ETV1: variants seen among roughly 807,000 people sequenced by gnomAD.
ETV1 encodes ETS translocation variant 1.
In ETV1, 27 loss-of-function variants were observed where a neutral mutation model predicts 62.3. The ratio of observed to expected loss-of-function variants is 0.43; its 90% CI spans 0.32 to 0.60. The LOEUF (loss-of-function observed/expected upper bound fraction) is 0.60. ETV1 is among the 20% of genes least tolerant of loss of function. The pLI is 0.06. For missense variants in ETV1, 605 were observed against 605.8 expected, an observed-to-expected ratio of 1.00 and a Z score of 0.01; for synonymous variants, 222 against 199.6, an observed-to-expected ratio of 1.11 and a Z score of -0.94.
chr7:13,952,242 T>A (rs745900469), intron 6 of ETV1, among the ~76,000 whole-genome samples: 14 of 152,102 alleles, frequency 9.2e-5, no homozygotes, highest in Non-Finnish European at 1.9e-4. Context: ...CCATTCCTAA[T>A]CTGCAAGCTG....
chr7:13,957,096 T>G (rs1261232416), intron 6 of ETV1, among the ~76,000 whole-genome samples: 1 of 151,862 alleles, frequency 6.6e-6, no homozygotes, highest in Non-Finnish European at 1.5e-5. Context: ...TTTATTTTTA[T>G]TTTTTTTGAG....
At chr7:13,943,542 A>T (rs1787802623) in intron 6 of ETV1, among the ~76,000 whole-genome samples, 1 of 152,224 alleles carries the variant, frequency 6.6e-6, no homozygotes, top group Admixed American at 6.5e-5. Context: ...AAGGGTGCAT[A>T]TGTTCATGAA....
chr7:13,914,786 ATTTGC>A (rs1178135635), intron 9 of ETV1, among the ~76,000 whole-genome samples: 5 of 152,134 alleles, frequency 3.3e-5, no homozygotes, highest in South Asian at 4.1e-4. Flanking sequence ...TGATTTGCAT[ATTTGC>A]TGCCTCTATA....
rs893512316 is a variant in ETV1, at chr7:13,917,837, A to G, written c.803-6530T>C. ...AAATTAGCCGGGCGTGGTGGCGGGCACCAGTAGTCCCAGCTACTCGGGAGG... is the reference window on the plus strand; with the variant it reads ...AAATTAGCCGGGCGTGGTGGCGGGCGCCAGTAGTCCCAGCTACTCGGGAGG... On this transcript the variant is annotated intron_variant, in intron 9 of 13. Transcript: ENST00000430479. Among the ~76,000 whole-genome samples, 4 of 151,854 alleles carry G rather than the reference A, an allele frequency of 2.6e-5. No individual in the cohort carries two copies. In the East Asian group the frequency reaches 6.0e-4, roughly 23 times the overall value.
chr7:13,962,434 T>C (rs1197818493), intron 6 of ETV1, among the ~76,000 whole-genome samples: 9 of 152,178 alleles, frequency 5.9e-5, no homozygotes, highest in Non-Finnish European at 1.3e-4. Context: ...GTTTATATCA[T>C]ATGGCTTTAG....
intron 3 of ETV1, 53 bp downstream of exon 3, chr7:13,988,955 C>T: frequency 2.0e-6 from 3 of 1,530,726 alleles, no homozygotes; most frequent in Non-Finnish European, 2.7e-6. Flanking sequence ...TCCCTCTCCC[C>T]ACCCCCGACG....
At chr7:13,903,878 T>C (rs1405011555) in intron 12 of ETV1, among the ~76,000 whole-genome samples, 2 of 152,144 alleles carry the variant, frequency 1.3e-5, no homozygotes, top group African/African-American at 4.8e-5. Context: ...TTAAAGATTA[T>C]GCGTTTTCTA....
Position 13,895,928 on chromosome 7 carries a change from C to T in ETV1, c.1372G>A (p.Ala458Thr), listed in dbSNP as rs1233150264. 7.4e-6 allele frequency: 12 copies of T among 1,613,694 alleles called. No homozygotes were observed. Among genetic ancestry groups the T allele is most frequent in the Non-Finnish European group, 1.0e-5 (12 of 1,179,796 alleles). The stretch of plus-strand genomic sequence containing the variant: ...CAGCAGCCCCCTTCCGGCATGTAGG[C>T]CATGCTCTCATCAAAGTGAGAAAGA... ...VPLSHFDESM[A>T]YMPEGGCCNP... The change falls in exon 14 of 14, where the codon GCC (alanine) becomes ACC (threonine). Residue 458 changes from alanine (A) to threonine (T), a missense_variant. Physicochemically the swap from Ala to Thr is moderately conservative, Grantham distance 58 (BLOSUM62 0). Around this residue, in one of 3 missense-constraint regions of ETV1, gnomAD observed 79 missense variants for 71.6 expected, o/e 1.10. Transcript: ENST00000430479.
In ETV1 at chr7:13,954,593, T is replaced by C. The variant is rs1789203679; in HGVS notation, c.236-15347A>G. On this transcript the variant is annotated intron_variant, in intron 6 of 13. Coordinates refer to ENST00000430479, the MANE Select transcript of ETV1 (RefSeq NM_004956.5). Reference sequence around the variant, plus strand: ...AAAAATTTTATTCTCTTTTGAGTTATTGAATCCTCACTTTTGATACATCAT... The same window carrying C: ...AAAAATTTTATTCTCTTTTGAGTTACTGAATCCTCACTTTTGATACATCAT... Among the ~76,000 whole-genome samples the C allele has an allele frequency of 2.0e-5, 3 of 152,236 alleles. No individual in the cohort carries two copies. The South Asian group carries it at 6.2e-4, about 32-fold the overall frequency.
intron 6 of ETV1, among the ~76,000 whole-genome samples, chr7:13,948,120 A>C (rs535101349): frequency 6.6e-6 from 1 of 152,330 alleles, no homozygotes; most frequent in South Asian, 2.1e-4. Context: ...TTAAAAATTC[A>C]CACCACTCAT....
chr7:13,926,029 C>T (rs1785390322), intron 9 of ETV1, among the ~76,000 whole-genome samples: 1 of 152,070 alleles, frequency 6.6e-6, no homozygotes, highest in Admixed American at 6.6e-5. Flanking sequence ...TGAGTTATGC[C>T]TTGCATACTT....
intron 13 of ETV1, among the ~76,000 whole-genome samples, chr7:13,899,676 CA>C: frequency 6.6e-6 from 1 of 152,302 alleles, no homozygotes; most frequent in Admixed American, 6.5e-5. Context: ...ACTTGGTTCA[CA>C]GTCAAAGCAA....
At chr7:13,916,039 G>T (rs970908516) in intron 9 of ETV1, among the ~76,000 whole-genome samples, 4 of 151,976 alleles carry the variant, frequency 2.6e-5, no homozygotes, top group Non-Finnish European at 4.4e-5. Context: ...CTTAGTTACT[G>T]AACTTCACAT....
Position 13,891,510 on chromosome 7 carries a change from T to A in ETV1, c.*4356A>T, listed in dbSNP as rs1350220500. 3 of 231,728 alleles carry A rather than the reference T, an allele frequency of 1.3e-5. No individual in the cohort carries two copies. Among genetic ancestry groups the A allele is most frequent in the Non-Finnish European group, 2.6e-5 (3 of 117,276 alleles). The allele number at this position is 231,728 out of a possible 1,614,324, so 14.4% of individuals were successfully genotyped here. A position where few individuals can be genotyped will look rare whatever the true frequency, so the allele number is the denominator to read the frequency against. The stretch of plus-strand genomic sequence containing the variant: ...CTGAAAATTCTGAAATCATTAATAT[T>A]TCTATAAAGATATCCACTTAGTCTA... On this transcript the variant is annotated 3_prime_UTR_variant, in exon 14 of 14. Coordinates refer to ENST00000430479, the MANE Select transcript of ETV1 (RefSeq NM_004956.5).
chr7:13,987,267 C>G (rs1782632941), intron 4 of ETV1, among the ~76,000 whole-genome samples: 1 of 151,950 alleles, frequency 6.6e-6, no homozygotes, highest in Non-Finnish European at 1.5e-5. Context: ...TTCTTTGGCA[C>G]CAGGTTCTCA....
At chr7:13,914,504 G>C (rs1783928121) in intron 9 of ETV1, among the ~76,000 whole-genome samples, 1 of 151,378 alleles carries the variant, frequency 6.6e-6, no homozygotes, top group Non-Finnish European at 1.5e-5. Flanking sequence ...AATCAATGTA[G>C]CGGAAGTTAA....
At chr7:13,961,511 A>C (rs543901160) in intron 6 of ETV1, among the ~76,000 whole-genome samples, 1 of 152,108 alleles carries the variant, frequency 6.6e-6, no homozygotes, top group African/African-American at 2.4e-5. Context: ...TAAGTAGTGA[A>C]ATTTTTTCTT....
rs1333339343 is a variant in ETV1 at position 13,891,568 on chromosome 7, A to G, written c.*4298T>C. ...TCTCCTCTTAAACTGTACTTTCCAT[A>G]AACTGTTTTTTTTTTAAGTATGTCA... is the stretch of plus-strand genomic sequence containing the variant. On this transcript the variant is annotated 3_prime_UTR_variant, in exon 14 of 14. Coordinates refer to ENST00000430479, the MANE Select transcript of ETV1 (RefSeq NM_004956.5). 4.3e-6 allele frequency: 1 copy of G among 231,168 alleles called. No individual in the cohort carries two copies. The highest frequency in any genetic ancestry group is 2.2e-5 in the African/African-American group (1 of 45,132). The allele number at this position is 231,168 out of a possible 1,614,324, so 14.3% of individuals were successfully genotyped here. A position where few individuals can be genotyped will look rare whatever the true frequency, so the allele number is the denominator to read the frequency against.
At chr7:13,935,060 T>A (rs1288714729) in intron 8 of ETV1, among the ~76,000 whole-genome samples, 1 of 152,198 alleles carries the variant, frequency 6.6e-6, no homozygotes, top group East Asian at 1.9e-4. Context: ...AAATATGAAT[T>A]TCTTAATCTC....
Sources: gnomAD v4.1 joint callset for allele counts (sites outside exome capture counted in the v4.1 genomes callset) on GRCh38, gnomAD v4.1.1 for gene constraint, gnomAD v4.1.1 regional missense constraint, MANE v1.5 for transcripts, NCBI Gene and HGNC (gene_info 2026-07-23, HGNC 2026-07-21) for gene names.